Variants in PBX1 observed in about 807,000 individuals in gnomAD.
PBX1 encodes the protein PBX homeobox 1.
A neutral mutation model predicts 53.4 loss-of-function variants in PBX1; 6 were observed. That is an observed-to-expected ratio of 0.11 (90% CI 0.06 to 0.22). The LOEUF (loss-of-function observed/expected upper bound fraction) is 0.22. Ranked by LOEUF, PBX1 falls within the 10% of genes least tolerant of loss-of-function variation. The pLI, the probability that PBX1 is intolerant of heterozygous loss-of-function variation, is 1.00. For missense variants in PBX1, 251 were observed against 551.4 expected, an observed-to-expected ratio of 0.46 and a Z score of 5.46; for synonymous variants, 204 against 212.3, an observed-to-expected ratio of 0.96 and a Z score of 0.34.
At chr1:164,885,080 G>A (rs561264780) in intron 2 of PBX1, among the ~76,000 whole-genome samples, 1 of 152,178 alleles carries the variant, frequency 6.6e-6, no homozygotes, top group Admixed American at 6.5e-5. Context: ...CAAATCCCTG[G>A]CAGGCATTTC....
intron 2 of PBX1, among the ~76,000 whole-genome samples, chr1:164,610,422 G>A (rs1008471514): frequency 2.6e-5 from 4 of 152,050 alleles, no homozygotes; most frequent in African/African-American, 9.7e-5. Context: ...AAGAGAATGC[G>A]GTGGGGTTAA....
intron 2 of PBX1, among the ~76,000 whole-genome samples, chr1:164,614,774 T>A (rs1657156010): frequency 6.6e-6 from 1 of 152,124 alleles, no homozygotes; most frequent in African/African-American, 2.4e-5. Flanking sequence ...TCAGTTGAAT[T>A]CTTTTTTTCT....
intron 2 of PBX1, among the ~76,000 whole-genome samples, chr1:164,727,142 C>T (rs1664741919): frequency 6.6e-6 from 1 of 152,154 alleles, no homozygotes; most frequent in East Asian, 1.9e-4. Flanking sequence ...TTAGCATCTC[C>T]TGAGTTATTG....
chr1:164,740,765 A>G (rs1264517068), intron 2 of PBX1, among the ~76,000 whole-genome samples: 1 of 152,208 alleles, frequency 6.6e-6, no homozygotes, highest in Admixed American at 6.5e-5. Flanking sequence ...GAAGACAGAT[A>G]TATAACACTG....
chr1:164,813,623 T>G (rs1010293767), intron 6 of PBX1: 3 of 152,154 alleles, frequency 2.0e-5, no homozygotes, highest in Non-Finnish European at 2.9e-5. Flanking sequence ...CTGTCAACAT[T>G]AGCAAAAATG....
At chr1:164,699,489 A>T (rs1241152677) in intron 2 of PBX1, among the ~76,000 whole-genome samples, 3 of 152,044 alleles carry the variant, frequency 2.0e-5, no homozygotes, top group African/African-American at 4.8e-5. Flanking sequence ...AGATGACCAT[A>T]ATCTAATAAT....
intron 2 of PBX1, among the ~76,000 whole-genome samples, chr1:164,738,540 A>T (rs957077475): frequency 2.0e-5 from 3 of 152,150 alleles, no homozygotes; most frequent in African/African-American, 7.2e-5. Flanking sequence ...AATTCTCCCA[A>T]AGTGCCACAT....
intron 2 of PBX1, among the ~76,000 whole-genome samples, chr1:164,602,580 C>A (rs1227350225): frequency 6.6e-6 from 1 of 152,048 alleles, no homozygotes; most frequent in Admixed American, 6.6e-5. Context: ...TCCACAGACA[C>A]AAAGCTTCTG....
chr1:164,608,436 T>C (rs1656696104), intron 2 of PBX1, among the ~76,000 whole-genome samples: 1 of 152,206 alleles, frequency 6.6e-6, no homozygotes, highest in South Asian at 2.1e-4. Flanking sequence ...ACAAAGTCTC[T>C]GGTAAAAGAA....
Position 164,685,301 on chromosome 1 carries a change from T to C in PBX1, c.266-107193T>C, listed in dbSNP as rs951616532. ...AGGTGGAAATGGCTTTTTTGGTATC[T>C]CTTTGCATTATTACAGTTGTTGTTA... On this transcript the variant is annotated intron_variant, in intron 2 of 8. Coordinates refer to ENST00000420696, the MANE Select transcript of PBX1 (RefSeq NM_002585.4). Among the ~76,000 whole-genome samples, 4 of 152,232 alleles carry C rather than the reference T, an allele frequency of 2.6e-5. No homozygotes were observed. In the East Asian group the frequency reaches 7.7e-4, roughly 29 times the overall value.
chr1:164,655,304 G>T (rs992563765), intron 2 of PBX1, among the ~76,000 whole-genome samples: 1 of 151,930 alleles, frequency 6.6e-6, no homozygotes, highest in Non-Finnish European at 1.5e-5. Flanking sequence ...GTAGAGACGG[G>T]GTTTCTCCAT....
chr1:164,729,009 C>T (rs902837498), intron 2 of PBX1, among the ~76,000 whole-genome samples: 7 of 152,164 alleles, frequency 4.6e-5, no homozygotes, highest in South Asian at 2.1e-4. Flanking sequence ...TTGTGTTAGG[C>T]GTTTATACTC....
intron 2 of PBX1, among the ~76,000 whole-genome samples, chr1:164,634,896 TA>T (rs1269487497): frequency 1.3e-5 from 2 of 152,108 alleles, no homozygotes; most frequent in Non-Finnish European, 2.9e-5. Flanking sequence ...TGGTTCTATG[TA>T]GACCTGTCCA....
intron 2 of PBX1, among the ~76,000 whole-genome samples, chr1:164,873,602 G>A (rs1035168827): frequency 1.3e-5 from 2 of 152,184 alleles, no homozygotes; most frequent in African/African-American, 4.8e-5. Context: ...CTGGGAGATG[G>A]GGGGCAGGGG....
chr1:164,684,277 T>A (rs1221196848), intron 2 of PBX1: 1 of 152,214 alleles, frequency 6.6e-6, no homozygotes, highest in African/African-American at 2.4e-5. Flanking sequence ...TACCTATCTC[T>A]GGCAGGTAAC....
chr1:164,598,692 A>T (rs942127033), intron 2 of PBX1, among the ~76,000 whole-genome samples: 2 of 152,134 alleles, frequency 1.3e-5, no homozygotes, highest in African/African-American at 4.8e-5. Context: ...ACCCTTTCCA[A>T]TGACACTCTG....
At chr1:164,649,781 T>A (rs1161061578) in intron 2 of PBX1, among the ~76,000 whole-genome samples, 5 of 152,232 alleles carry the variant, frequency 3.3e-5, no homozygotes, top group Non-Finnish European at 7.3e-5. Context: ...GTTCTAAGTT[T>A]GAATTTGGAC....
rs966068436 is a variant in PBX1, at chr1:164,848,071, A to C, written c.*1395A>C. 3 of 1,051,766 alleles carry C rather than the reference A, an allele frequency of 2.9e-6. No homozygotes were observed. The East Asian group carries it at 1.6e-4, about 57-fold the overall frequency. 65.2% of individuals were successfully genotyped at this position (1,051,766 alleles called of 1,614,324 possible). On this transcript the variant is annotated 3_prime_UTR_variant, in exon 9 of 9. Coordinates refer to ENST00000420696, the MANE Select transcript of PBX1 (RefSeq NM_002585.4). ...ATTGCTCTGGAGGAAAGAGTTGTATAAGAACGTGGCTCATGTGAACTTTTG... is the reference window on the plus strand; with the variant it reads ...ATTGCTCTGGAGGAAAGAGTTGTATCAGAACGTGGCTCATGTGAACTTTTG...
intron 2 of PBX1, chr1:164,769,045 ACT>A (rs1667228485): frequency 6.6e-6 from 1 of 151,352 alleles, no homozygotes; most frequent in African/African-American, 2.4e-5. Context: ...ACAGGGTGAG[ACT>A]CTGTCTCAAA....
Sources: allele counts gnomAD v4.1 joint callset (sites outside exome capture counted in the v4.1 genomes callset), GRCh38; gene constraint gnomAD v4.1.1; transcripts MANE v1.5; gene names NCBI Gene and HGNC (gene_info 2026-07-23, HGNC 2026-07-21).